Variants in ASIC2 observed in about 807,000 individuals in gnomAD.
The protein encoded by ASIC2 is acid sensing ion channel subunit 2, also known as acid-sensing ion channel 2.
ASIC2 carries 25 observed loss-of-function variants against 57.3 expected under a neutral mutation model. That is an observed-to-expected ratio of 0.44 (90% CI 0.32 to 0.61). ASIC2 has a LOEUF of 0.61. Among genes scored for constraint, ASIC2 ranks in the 20% least tolerant of loss-of-function variants. ASIC2 has a pLI of 0.06. For synonymous variants in ASIC2, 319 were observed against 307.5 expected (o/e 1.04, Z -0.39); for missense variants, 641 against 738.1 (o/e 0.87, Z 1.52).
In ASIC2 at chr17:33,385,954, T is replaced by A. The variant is rs143467595; in HGVS notation, c.556-273887A>T. The stretch of plus-strand genomic sequence containing the variant: ...TCAGCCAAGGTTTACAGGACCCACC[T>A]GCCGGACTGCTCCCTCGCAGAGATA... On this transcript the variant is annotated intron_variant, in intron 1 of 9. Coordinates refer to the ASIC2 transcript ENST00000359872. Among the ~76,000 whole-genome samples the A allele has an allele frequency of 9.2e-3, 1,404 of 152,330 alleles. 9 individuals are homozygous for A. Among genetic ancestry groups the A allele is most frequent in the South Asian group, 0.025 (120 of 4,832 alleles).
intron 1 of ASIC2, among the ~76,000 whole-genome samples, chr17:33,243,636 G>A (rs1567796563): frequency 6.6e-6 from 1 of 152,202 alleles, no homozygotes; most frequent in Non-Finnish European, 1.5e-5. Context: ...TCAACATACA[G>A]GAACGATCCC....
chr17:33,033,629 C>T (rs1279699470), intron 3 of ASIC2, among the ~76,000 whole-genome samples: 1 of 152,234 alleles, frequency 6.6e-6, no homozygotes, highest in Non-Finnish European at 1.5e-5. Flanking sequence ...GGAGCCTCCT[C>T]TGAACTTGGA....
At chr17:33,501,512 G>A (rs1251498555) in intron 1 of ASIC2, among the ~76,000 whole-genome samples, 1 of 152,232 alleles carries the variant, frequency 6.6e-6, no homozygotes, top group Non-Finnish European at 1.5e-5. Flanking sequence ...CAAATAAGTG[G>A]CAGTGTTGAA....
At chr17:33,493,828 T>G (rs1417696879) in intron 1 of ASIC2, among the ~76,000 whole-genome samples, 1 of 152,038 alleles carries the variant, frequency 6.6e-6, no homozygotes, top group Non-Finnish European at 1.5e-5. Flanking sequence ...CCCACAAAAC[T>G]CAAAAAGGAT....
At chr17:33,948,651 G>T (rs1904461829) in intron 1 of ASIC2, among the ~76,000 whole-genome samples, 2 of 152,214 alleles carry the variant, frequency 1.3e-5, no homozygotes, top group Non-Finnish European at 2.9e-5. Context: ...TCCAAGAGCT[G>T]CCCTGGCTTC....
chr17:34,014,242 C>T lies in ASIC2; in HGVS notation c.555+141736G>A, dbSNP rs76577395. On this transcript the variant is annotated intron_variant, in intron 1 of 9. Coordinates refer to the ASIC2 transcript ENST00000359872. ...AAGTAATGCTTTTAATCTGCTTCTACAGGAGAGGAAATCAAGGCACAGAGA... is the reference window on the plus strand; with the variant it reads ...AAGTAATGCTTTTAATCTGCTTCTATAGGAGAGGAAATCAAGGCACAGAGA... Among the ~76,000 whole-genome samples the T allele has an allele frequency of 6.2e-3, 946 of 152,296 alleles. 11 individuals are homozygous for T. Among genetic ancestry groups the T allele is most frequent in the African/African-American group, 0.021 (875 of 41,554 alleles).
At chr17:33,789,533 C>G (rs1911705182) in intron 1 of ASIC2, among the ~76,000 whole-genome samples, 1 of 151,714 alleles carries the variant, frequency 6.6e-6, no homozygotes. Flanking sequence ...ATGGGGATCC[C>G]TAACTTGTAT....
chr17:33,139,374 G>A lies in ASIC2; in HGVS notation c.709-27307C>T, dbSNP rs549576277. 2.2e-4 allele frequency among the ~76,000 whole-genome samples: 33 copies of A among 152,276 alleles called. No individual in the cohort carries two copies. The South Asian group carries it at 6.4e-3, about 30-fold the overall frequency. ...TCCCCAGATCTATTCTTTCTCTGAA[G>A]CCCAAAGTAAATTTTCTTGGAAAAA... On this transcript the variant is annotated intron_variant, in intron 1 of 9. Coordinates refer to ENST00000225823, the MANE Select transcript of ASIC2 (RefSeq NM_183377.2).
At position 33,025,991 on chromosome 17, in the gene ASIC2, A is replaced by G. The variant is rs987303151; in HGVS notation, c.1139-9T>C. On this transcript the variant is annotated splice_polypyrimidine_tract_variant and intron_variant, in intron 4 of 9. Coordinates refer to ENST00000225823, the MANE Select transcript of ASIC2 (RefSeq NM_183377.2). ...ACAAAAAGGGGCATCCCCTGCAAAG[A>G]AGAAACACCAGACAGAGTTACTCAG... The G allele has an allele frequency of 6.2e-7, 1 of 1,613,356 alleles. No individual in the cohort carries two copies. The highest frequency in any genetic ancestry group is 8.5e-7 in the Non-Finnish European group (1 of 1,179,692).
chr17:33,416,338 C>A (rs73983490), intron 1 of ASIC2, among the ~76,000 whole-genome samples: 1,916 of 152,352 alleles, frequency 0.013, 44 homozygotes, highest in African/African-American at 0.043. Context: ...TTCATCATGG[C>A]AGTTGACATC....
At chr17:34,048,752 C>CA (rs1402439261) in intron 1 of ASIC2, among the ~76,000 whole-genome samples, 5 of 152,212 alleles carry the variant, frequency 3.3e-5, no homozygotes, top group Non-Finnish European at 1.5e-5. Flanking sequence ...TGTGTGAACA[C>CA]AGTCTTCCAT....
At chr17:33,420,477 G>T (rs537692536) in intron 1 of ASIC2, among the ~76,000 whole-genome samples, 1 of 152,296 alleles carries the variant, frequency 6.6e-6, no homozygotes, top group South Asian at 2.1e-4. Flanking sequence ...TGAACTAAAG[G>T]TATGGAGTGG....
At chr17:33,583,738 A>G (rs1904520186) in intron 1 of ASIC2, among the ~76,000 whole-genome samples, 1 of 152,230 alleles carries the variant, frequency 6.6e-6, no homozygotes, top group African/African-American at 2.4e-5. Context: ...AGCACCGAAC[A>G]TACCAATGTT....
intron 1 of ASIC2, among the ~76,000 whole-genome samples, chr17:34,049,155 G>A (rs1009485298): frequency 3.4e-4 from 52 of 151,870 alleles, no homozygotes; most frequent in Admixed American, 3.3e-3. Flanking sequence ...AGCCAAGTGT[G>A]GCGGTGCATG....
intron 1 of ASIC2, among the ~76,000 whole-genome samples, chr17:33,963,398 G>A (rs1015933483): frequency 2.0e-5 from 3 of 152,140 alleles, no homozygotes; most frequent in East Asian, 1.9e-4. Context: ...ATTTCTGGAC[G>A]CAGAGTAGGT....
rs142548648 is a variant in ASIC2, at chr17:33,502,656, C to T, written c.556-390589G>A. Among the ~76,000 whole-genome samples, 104 of 152,322 alleles carry T rather than the reference C, an allele frequency of 6.8e-4. 1 individual carries two copies. Among genetic ancestry groups the T allele is most frequent in the African/African-American group, 2.3e-3 (94 of 41,576 alleles). On this transcript the variant is annotated intron_variant, in intron 1 of 9. Coordinates refer to the ASIC2 transcript ENST00000359872. Reference sequence around the variant, plus strand: ...ACATCAGGGCAGGAACCCAGAAACCCGGGTTACAATCCCAACCATGCCACC... The same window carrying T: ...ACATCAGGGCAGGAACCCAGAAACCTGGGTTACAATCCCAACCATGCCACC...
chr17:34,154,424 G>A (rs375079632), intron 1 of ASIC2, among the ~76,000 whole-genome samples: 11 of 152,074 alleles, frequency 7.2e-5, no homozygotes, highest in African/African-American at 2.7e-4. Flanking sequence ...CACTACTGCC[G>A]ATTTTGCTGT....
intron 1 of ASIC2, among the ~76,000 whole-genome samples, chr17:33,776,554 C>A (rs536603322): frequency 6.6e-6 from 1 of 152,304 alleles, no homozygotes; most frequent in South Asian, 2.1e-4. Flanking sequence ...TTCAGATAGA[C>A]AACTGCTACA....
At chr17:34,039,468 A>G in intron 1 of ASIC2, 1 of 1,613,668 alleles carries the variant, frequency 6.2e-7, no homozygotes, top group East Asian at 2.2e-5. Context: ...CCTCCTTTGC[A>G]GCACTGCCAT....
Sources: gnomAD v4.1 joint callset for allele counts (sites outside exome capture counted in the v4.1 genomes callset) on GRCh38, gnomAD v4.1.1 for gene constraint, MANE v1.5 for transcripts, NCBI Gene and HGNC (gene_info 2026-07-23, HGNC 2026-07-21) for gene names.